Variants in CDC14B observed in about 807,000 individuals in gnomAD.
CDC14B encodes the protein dual specificity protein phosphatase CDC14B.
Under a neutral mutation model 64.2 loss-of-function variants are expected in CDC14B, and 22 were observed. The observed-to-expected ratio is 0.34, with a 90% CI of 0.24 to 0.49. The LOEUF is 0.49. Among genes scored for constraint, CDC14B ranks in the 20% least tolerant of loss-of-function variants. CDC14B has a pLI of 0.99. For synonymous variants in CDC14B, 191 were observed against 215.8 expected (o/e 0.89, Z 1.01); for missense variants, 498 against 629.9 (o/e 0.79, Z 2.24).
At position 96,533,990 on chromosome 9, in the gene CDC14B, T is replaced by C; in HGVS notation, c.883A>G (p.Ile295Val). 1 of 1,613,252 alleles carries C rather than the reference T, an allele frequency of 6.2e-7. No homozygotes were observed. Among genetic ancestry groups the C allele is most frequent in the Middle Eastern group, 1.7e-4 (1 of 6,056 alleles). Residue 295 changes from isoleucine to valine, a missense_variant, in exon 9 of 14, where the codon ATT becomes GTT. By Grantham distance (29) the Ile-to-Val change is conservative. Transcript: ENST00000375241. ...FADGSTPTDAIVKEFLDICEN... is the reference protein window; with the variant it reads ...FADGSTPTDAVVKEFLDICEN... Reference sequence around the variant, plus strand: ...CAGATATCTAGGAATTCTTTGACAATGGCATCAGTAGGGGTGCTGCCATCC... The same window carrying C: ...CAGATATCTAGGAATTCTTTGACAACGGCATCAGTAGGGGTGCTGCCATCC...
chr9:96,559,038 C>G (rs1034722457), intron 4 of CDC14B, among the ~76,000 whole-genome samples: 8 of 152,224 alleles, frequency 5.3e-5, no homozygotes, highest in African/African-American at 1.2e-4. Flanking sequence ...ACTCTTCTCA[C>G]TTCTTGTAAC....
intron 4 of CDC14B, among the ~76,000 whole-genome samples, chr9:96,552,475 A>T (rs1465956474): frequency 6.6e-6 from 1 of 152,084 alleles, no homozygotes; most frequent in Non-Finnish European, 1.5e-5. Flanking sequence ...TATAGTTGGT[A>T]TTCCTTGCCT....
intron 1 of CDC14B, among the ~76,000 whole-genome samples, chr9:96,608,898 C>G (rs1463317127): frequency 7.3e-6 from 1 of 137,668 alleles, no homozygotes; most frequent in Admixed American, 7.1e-5. Flanking sequence ...CACAGACACA[C>G]ACACACACAC....
intron 3 of CDC14B, among the ~76,000 whole-genome samples, chr9:96,563,264 T>C (rs1477718550): frequency 6.6e-6 from 1 of 152,236 alleles, no homozygotes; most frequent in Non-Finnish European, 1.5e-5. Context: ...GCACTGCTCC[T>C]GACTGGTGAT....
chr9:96,528,061 G>A (rs1427822683), intron 9 of CDC14B, among the ~76,000 whole-genome samples: 2 of 152,044 alleles, frequency 1.3e-5, no homozygotes, highest in Non-Finnish European at 2.9e-5. Flanking sequence ...ACCTAAATTG[G>A]CCTAATATCT....
intron 1 of CDC14B, among the ~76,000 whole-genome samples, chr9:96,592,913 G>A (rs924047883): frequency 1.3e-5 from 2 of 152,078 alleles, no homozygotes; most frequent in Non-Finnish European, 2.9e-5. Flanking sequence ...AAAGCCATTT[G>A]GTATTCATCT....
chr9:96,588,540 G>A (rs1324231069), intron 1 of CDC14B, among the ~76,000 whole-genome samples: 2 of 152,146 alleles, frequency 1.3e-5, no homozygotes, highest in Admixed American at 6.5e-5. Flanking sequence ...AGGCTGGAGC[G>A]CAGTGGCGTA....
intron 5 of CDC14B, among the ~76,000 whole-genome samples, chr9:96,547,061 CA>C (rs1478027617): frequency 6.7e-6 from 1 of 148,510 alleles, no homozygotes; most frequent in Non-Finnish European, 1.5e-5. Flanking sequence ...GACTCCGACT[CA>C]AAAAAAAGTA....
intron 2 of CDC14B, 62 bp downstream of exon 2, chr9:96,565,331 T>C: frequency 1.9e-6 from 2 of 1,026,848 alleles, no homozygotes; most frequent in Non-Finnish European, 3.0e-6. Context: ...ATCCCATTTA[T>C]AACCATACCT....
chr9:96,534,167 G>T lies in CDC14B; in HGVS notation c.716-10C>A. 1 of 1,494,348 alleles carries T rather than the reference G, an allele frequency of 6.7e-7. No homozygotes were observed. The highest frequency in any genetic ancestry group is 9.3e-7 in the Non-Finnish European group (1 of 1,080,332). 92.6% of individuals were successfully genotyped at this position (1,494,348 alleles called of 1,614,324 possible). A position where few individuals can be genotyped will look rare whatever the true frequency, so the allele number is the denominator to read the frequency against. ...GAATGTTGGTGGTAACCTACATAAA[G>T]AAATGCACCAGATCTTATAAAACAC... On this transcript the variant is annotated splice_polypyrimidine_tract_variant and intron_variant, in intron 8 of 13. Transcript: ENST00000375241.
intron 13 of CDC14B, among the ~76,000 whole-genome samples, chr9:96,507,420 A>ATTTTTTTTTTTTTTTT (rs547920065): frequency 7.0e-6 from 1 of 143,786 alleles, no homozygotes; most frequent in African/African-American, 2.5e-5. Flanking sequence ...TTTTTATTTG[A>ATTTTTTTTTTTTTTTT]TTTTTTTTTT....
chr9:96,573,146 T>C (rs1203106999), intron 1 of CDC14B, among the ~76,000 whole-genome samples: 2 of 152,062 alleles, frequency 1.3e-5, no homozygotes, highest in Non-Finnish European at 2.9e-5. Flanking sequence ...GCATCTCTAC[T>C]AAAAATACAA....
intron 1 of CDC14B, among the ~76,000 whole-genome samples, chr9:96,605,710 T>A (rs531032912): frequency 3.9e-5 from 6 of 152,260 alleles, no homozygotes; most frequent in African/African-American, 1.4e-4. Flanking sequence ...TAAAATATTT[T>A]AAGGGCCAGG....
At chr9:96,567,721 A>C (rs530537787) in intron 1 of CDC14B, among the ~76,000 whole-genome samples, 2 of 152,316 alleles carry the variant, frequency 1.3e-5, no homozygotes, top group Non-Finnish European at 2.9e-5. Context: ...AAAATAGTAC[A>C]AATAAATAAG....
chr9:96,537,120 T>C (rs1002826904), intron 7 of CDC14B, among the ~76,000 whole-genome samples: 5 of 151,620 alleles, frequency 3.3e-5, no homozygotes, highest in East Asian at 1.9e-4. Flanking sequence ...CGAAATCCCA[T>C]CTCTACAAAA....
At chr9:96,496,115 G>C (rs1447540332), downstream of CDC14B, 2 of 358,780 alleles carry the variant, frequency 5.6e-6, no homozygotes, top group East Asian at 7.4e-5. Flanking sequence ...GTGTCAGCCC[G>C]GCCATTCCCA....
intron 3 of CDC14B, among the ~76,000 whole-genome samples, chr9:96,564,433 T>C (rs1001083721): frequency 6.6e-6 from 1 of 152,184 alleles, no homozygotes; most frequent in Non-Finnish European, 1.5e-5. Flanking sequence ...GAAAGAACAA[T>C]GGCCACAGCA....
In CDC14B at chr9:96,541,875, C is replaced by T. The variant is rs755527075; in HGVS notation, c.515G>A (p.Ser172Asn). Residue 172 changes from serine to asparagine, a missense_variant, in exon 6 of 14, where the codon AGT (serine) becomes AAT (asparagine). Transcript: ENST00000375241. ...AAGAAGTGTAATGTAGAAATTGCAACTTCCATAGGCAGCATCTCTGAAACC... is the reference window on the plus strand; with the variant it reads ...AAGAAGTGTAATGTAGAAATTGCAATTTCCATAGGCAGCATCTCTGAAACC... ...YIPFRDAAYG[S>N]CNFYITLLDC... The T allele has an allele frequency of 6.2e-7, 1 of 1,608,308 alleles. No individual in the cohort carries two copies. Among genetic ancestry groups the T allele is most frequent in the African/African-American group, 1.3e-5 (1 of 74,970 alleles).
intron 1 of CDC14B, among the ~76,000 whole-genome samples, chr9:96,596,404 T>C (rs1846081843): frequency 7.1e-6 from 1 of 141,526 alleles, no homozygotes; most frequent in African/African-American, 2.6e-5. Context: ...ATGAAAGATA[T>C]AAAAATGGCC....
Sources: gnomAD v4.1 joint callset for allele counts (sites outside exome capture counted in the v4.1 genomes callset) on GRCh38, gnomAD v4.1.1 for gene constraint, MANE v1.5 for transcripts, NCBI Gene and HGNC (gene_info 2026-07-23, HGNC 2026-07-21) for gene names.